The following TNS1 variants were observed in gnomAD, a reference collection of about 807,000 sequenced individuals.
TNS1 encodes tensin-1.
Under a neutral mutation model 168.6 loss-of-function variants are expected in TNS1, and 62 were observed. That is an observed-to-expected ratio of 0.37 (90% CI 0.30 to 0.45). The LOEUF (loss-of-function observed/expected upper bound fraction) is 0.45, where lower values mean the gene tolerates loss of function less well. Ranked by LOEUF, TNS1 falls within the 20% of genes least tolerant of loss-of-function variation. The pLI is 1.00. For synonymous variants in TNS1, 934 were observed against 933.2 expected (o/e 1.00, Z -0.02); for missense variants, 2,240 against 2,339.4 (o/e 0.96, Z 0.88).
chr2:217,835,202 C>G (rs1454450091), intron 20 of TNS1, 36 bp from the exon 21 acceptor site: 1 of 1,585,026 alleles, frequency 6.3e-7, no homozygotes, highest in Admixed American at 1.7e-5. Context: ...AGAGGGAAAC[C>G]ATGAGAAGGA....
At chr2:217,956,141 GT>G (rs373533988) in intron 3 of TNS1, among the ~76,000 whole-genome samples, 4 of 151,720 alleles carry the variant, frequency 2.6e-5, no homozygotes, top group Non-Finnish European at 5.9e-5. Context: ...TTTGAATTTT[GT>G]TTTTTTTGTT....
intron 2 of TNS1, among the ~76,000 whole-genome samples, chr2:217,981,214 C>A (rs11678396): frequency 0.24 from 36,858 of 152,204 alleles, 5,709 homozygotes; most frequent in East Asian, 0.47. Flanking sequence ...CCCAGGGACA[C>A]ACAGCTGGGC....
chr2:217,919,175 A>C (rs1955452309), intron 4 of TNS1, among the ~76,000 whole-genome samples: 1 of 152,348 alleles, frequency 6.6e-6, no homozygotes, highest in South Asian at 2.1e-4. Context: ...GTCCAGAAAG[A>C]AACAGGATGG....
chr2:218,003,038 T>C, upstream of TNS1: 2 of 410,936 alleles, frequency 4.9e-6, no homozygotes, highest in African/African-American at 4.1e-5. Context: ...CCCTCCCTCC[T>C]CCTCCTCCTC....
At chr2:217,893,670 G>T in intron 9 of TNS1, 109 bp from the exon 10 acceptor site, 1 of 1,446,436 alleles carries the variant, frequency 6.9e-7, no homozygotes, top group Non-Finnish European at 9.2e-7. Context: ...GCCCGCAGCT[G>T]CTGGTTCCTG....
chr2:217,820,192 G>A (rs1454538217), intron 23 of TNS1, among the ~76,000 whole-genome samples: 1 of 152,160 alleles, frequency 6.6e-6, no homozygotes. Flanking sequence ...TAATCCCAGG[G>A]GAGAAAGGCT....
intron 2 of TNS1, among the ~76,000 whole-genome samples, chr2:217,988,354 C>T (rs1056409530): frequency 6.6e-5 from 10 of 152,228 alleles, no homozygotes; most frequent in African/African-American, 2.2e-4. Flanking sequence ...CAGGCCAGGT[C>T]AGCTGGGGAA....
intron 21 of TNS1, among the ~76,000 whole-genome samples, 185 bp downstream of exon 21, chr2:217,834,906 A>T (rs528273899): frequency 6.6e-6 from 1 of 152,332 alleles, no homozygotes; most frequent in South Asian, 2.1e-4. Flanking sequence ...AGTGTGGACG[A>T]CGGAGAAGAC....
At chr2:217,895,999 G>T (rs1952254773) in intron 8 of TNS1, among the ~76,000 whole-genome samples, 1 of 152,186 alleles carries the variant, frequency 6.6e-6, no homozygotes, top group African/African-American at 2.4e-5. Flanking sequence ...ACTTTATTAT[G>T]GTACAATAGC....
At chr2:217,935,970 G>C (rs1956585325) in intron 3 of TNS1, among the ~76,000 whole-genome samples, 1 of 152,156 alleles carries the variant, frequency 6.6e-6, no homozygotes, top group Admixed American at 6.5e-5. Context: ...AGAGGTCATT[G>C]CTCTAGGAAA....
rs368278881 is a variant in TNS1 at position 217,962,524 on chromosome 2, T to C, written c.186+16241A>G. Among the ~76,000 whole-genome samples the C allele has an allele frequency of 2.2e-4, 33 of 152,002 alleles. No individual in the cohort carries two copies. In the East Asian group the frequency reaches 3.7e-3, roughly 17 times the overall value. Reference sequence around the variant, plus strand: ...TTGGCCATGGCTAGATCAATTGGATTCAAGAAAAAAAAATGACCATATGAG... The same window carrying C: ...TTGGCCATGGCTAGATCAATTGGATCCAAGAAAAAAAAATGACCATATGAG... On this transcript the variant is annotated intron_variant, in intron 3 of 32. Transcript: ENST00000682258.
chr2:217,823,769 G>A (rs1171761071), intron 22 of TNS1, among the ~76,000 whole-genome samples: 7 of 152,222 alleles, frequency 4.6e-5, no homozygotes, highest in East Asian at 1.9e-4. Flanking sequence ...AGGCAGGCAC[G>A]GGAGGTCTAT....
intron 3 of TNS1, among the ~76,000 whole-genome samples, chr2:217,975,451 C>T (rs546826520): frequency 6.6e-6 from 1 of 152,298 alleles, no homozygotes; most frequent in South Asian, 2.1e-4. Flanking sequence ...ACTATCGCTT[C>T]GTGCTGCAGG....
Position 217,848,498 on chromosome 2 carries a change from G to A in TNS1, c.2019C>T (p.Tyr673=), listed in dbSNP as rs779100755. The part of the protein sequence containing the change: ...SPLTNGLDKS[Y]PMEPMVNGGG... Reference sequence around the variant, plus strand: ...CTCCATTGACCATAGGCTCCATGGGGTAGGACTTGTCCAGACCGTTGGTCA... The same window carrying A: ...CTCCATTGACCATAGGCTCCATGGGATAGGACTTGTCCAGACCGTTGGTCA... The change falls in exon 19 of 33, where the codon TAC becomes TAT. Residue 673 remains tyrosine, a synonymous_variant. Transcript: ENST00000682258. The A allele has an allele frequency of 1.2e-5, 19 of 1,613,378 alleles. No homozygotes were observed. The highest frequency in any genetic ancestry group is 1.2e-4 in the Admixed American group (7 of 59,970).
chr2:218,004,212 C>G (rs1343343385), upstream of TNS1, among the ~76,000 whole-genome samples: 1 of 152,242 alleles, frequency 6.6e-6, no homozygotes, highest in Non-Finnish European at 1.5e-5. Flanking sequence ...GTCCAACTCA[C>G]GTCAACACAT....
chr2:217,851,399 G>A (rs1381585823), intron 18 of TNS1, among the ~76,000 whole-genome samples: 5 of 148,002 alleles, frequency 3.4e-5, no homozygotes, highest in South Asian at 2.2e-4. Flanking sequence ...ACAACACAGA[G>A]AACTGGCACA....
chr2:217,969,732 C>T (rs1016198156), intron 3 of TNS1, among the ~76,000 whole-genome samples: 3 of 152,178 alleles, frequency 2.0e-5, no homozygotes, highest in African/African-American at 7.2e-5. Context: ...TGATGAGATA[C>T]CACTTGACAT....
At chr2:217,817,427 A>G (rs1341534452) in intron 24 of TNS1, among the ~76,000 whole-genome samples, 1 of 152,230 alleles carries the variant, frequency 6.6e-6, no homozygotes, top group Non-Finnish European at 1.5e-5. Context: ...GATGATAATC[A>G]TAACAGTAAT....
intron 15 of TNS1, among the ~76,000 whole-genome samples, 190 bp downstream of exon 15, chr2:217,885,554 G>C (rs1001022249): frequency 3.9e-5 from 6 of 152,212 alleles, no homozygotes; most frequent in African/African-American, 1.4e-4. Flanking sequence ...CAGAACAACA[G>C]CTAAGCCCAG....
Sources: gnomAD v4.1 joint callset for allele counts (sites outside exome capture counted in the v4.1 genomes callset) on GRCh38, gnomAD v4.1.1 for gene constraint, MANE v1.5 for transcripts, NCBI Gene and HGNC (gene_info 2026-07-23, HGNC 2026-07-21) for gene names.